Variants in MEAF6 observed in about 807,000 individuals in gnomAD.
The protein encoded by MEAF6 is MYST/Esa1 associated factor 6.
MEAF6 carries 15 observed loss-of-function variants against 28.9 expected under a neutral mutation model. The observed-to-expected ratio is 0.52, with a 90% CI of 0.35 to 0.80. The LOEUF is 0.80. Among genes scored for constraint, MEAF6 ranks in the 30% least tolerant of loss-of-function variants. The probability of loss-of-function intolerance (pLI) is 0.01; values close to 1 mark genes in which losing one functional copy is unlikely to be tolerated. For missense variants in MEAF6, 178 were observed against 237.5 expected (o/e 0.75, Z 1.65); for synonymous variants, 97 against 88.7 (o/e 1.09, Z -0.53).
intron 4 of MEAF6, among the ~76,000 whole-genome samples, chr1:37,507,358 A>C (rs773554530): frequency 1.3e-5 from 2 of 151,828 alleles, no homozygotes; most frequent in Non-Finnish European, 2.9e-5. Flanking sequence ...GTCAGATATC[A>C]TTCCATCTCA....
chr1:37,503,151 G>C (rs1642370436), intron 4 of MEAF6, among the ~76,000 whole-genome samples: 1 of 151,840 alleles, frequency 6.6e-6, no homozygotes, highest in African/African-American at 2.4e-5. Flanking sequence ...TGCCCAGGCT[G>C]GTCTCAAACT....
intron 5 of MEAF6, among the ~76,000 whole-genome samples, chr1:37,500,397 T>C (rs1642262174): frequency 1.3e-5 from 2 of 152,222 alleles, no homozygotes; most frequent in Admixed American, 6.5e-5. Flanking sequence ...TTTTTAAGAA[T>C]ATATTTCTCT....
intron 4 of MEAF6, among the ~76,000 whole-genome samples, chr1:37,505,295 A>G (rs1189491440): frequency 6.6e-6 from 1 of 151,406 alleles, no homozygotes; most frequent in Non-Finnish European, 1.5e-5. Context: ...AAAAAAGCAG[A>G]AGAGAGAAAT....
At chr1:37,500,957 A>C (rs928212002) in intron 5 of MEAF6, 8 of 154,176 alleles carry the variant, frequency 5.2e-5, no homozygotes, top group African/African-American at 1.9e-4. Context: ...AGGCATGGAA[A>C]CAGGTATGTA....
intron 5 of MEAF6, among the ~76,000 whole-genome samples, chr1:37,498,026 C>G (rs1569957846): frequency 1.3e-5 from 2 of 152,114 alleles, no homozygotes; most frequent in Non-Finnish European, 2.9e-5. Context: ...GGGCAGGCCT[C>G]CAAAGCAAAC....
At chr1:37,508,018 T>G (rs1243896408) in intron 4 of MEAF6, among the ~76,000 whole-genome samples, 3 of 152,064 alleles carry the variant, frequency 2.0e-5, no homozygotes, top group Non-Finnish European at 2.9e-5. Flanking sequence ...ATATACCTTC[T>G]GAAAGAAGTA....
At chr1:37,502,375 C>A (rs1358696357) in intron 4 of MEAF6, among the ~76,000 whole-genome samples, 3 of 151,876 alleles carry the variant, frequency 2.0e-5, no homozygotes, top group South Asian at 4.2e-4. Flanking sequence ...TGTGCCTGAT[C>A]TATAGTCTTA....
intron 5 of MEAF6, among the ~76,000 whole-genome samples, chr1:37,498,694 T>C (rs1237203417): frequency 5.3e-5 from 8 of 150,062 alleles, no homozygotes; most frequent in African/African-American, 1.7e-4. Context: ...GCCTCCCAAA[T>C]TGCTGGAATT....
chr1:37,493,445 G>C lies in MEAF6; in HGVS notation c.*654C>G, dbSNP rs1198088827. 2 of 323,490 alleles carry C rather than the reference G, an allele frequency of 6.2e-6. No individual in the cohort carries two copies. Among genetic ancestry groups the C allele is most frequent in the African/African-American group, 4.3e-5 (2 of 46,602 alleles). The allele number at this position is 323,490 out of a possible 1,614,324, so 20.0% of individuals were successfully genotyped here. On this transcript the variant is annotated 3_prime_UTR_variant, in exon 7 of 7. Transcript: ENST00000296214. Reference sequence around the variant, plus strand: ...TACCAACTCAGAAAGATTTAAGATAGGTAATTACTAAACACTCTTTACCTC... The same window carrying C: ...TACCAACTCAGAAAGATTTAAGATACGTAATTACTAAACACTCTTTACCTC...
intron 1 of MEAF6, 116 bp from the exon 2 acceptor site, chr1:37,513,654 A>C: frequency 1.3e-6 from 1 of 793,328 alleles, no homozygotes; most frequent in Non-Finnish European, 2.2e-6. Context: ...ACACTAAACC[A>C]CCCTGTGGAG....
chr1:37,513,733 C>T (rs891888126), intron 1 of MEAF6, 195 bp from the exon 2 acceptor site: 10 of 596,836 alleles, frequency 1.7e-5, no homozygotes, highest in Non-Finnish European at 3.0e-5. Context: ...GGTGATGGAC[C>T]CCTGAATGTA....
chr1:37,508,256 T>C (rs1224229175), intron 4 of MEAF6, among the ~76,000 whole-genome samples: 1 of 151,526 alleles, frequency 6.6e-6, no homozygotes, highest in African/African-American at 2.4e-5. Context: ...GTACATCCTA[T>C]TTACAGGATG....
rs1188656208 is a variant in MEAF6, at chr1:37,493,879, CA to C, written c.*219del. 2 of 1,562,910 alleles carry C rather than the reference CA, an allele frequency of 1.3e-6. No individual in the cohort carries two copies. Among genetic ancestry groups the C allele is most frequent in the African/African-American group, 2.7e-5 (2 of 73,250 alleles). ...TTACAACATTGTCTTCATCTTCCTGCAGTTCTGTTACTAAAAATGACATAAA... is the reference window on the plus strand; with the variant it reads ...TTACAACATTGTCTTCATCTTCCTGCGTTCTGTTACTAAAAATGACATAAA... On this transcript the variant is annotated 3_prime_UTR_variant, in exon 7 of 7. Coordinates refer to ENST00000296214, the MANE Select transcript of MEAF6 (RefSeq NM_001270875.3).
chr1:37,495,731 CCT>C, intron 6 of MEAF6, 152 bp downstream of exon 6: 1 of 473,360 alleles, frequency 2.1e-6, no homozygotes, highest in Non-Finnish European at 3.7e-6. Flanking sequence ...AAAAAAACCA[CCT>C]AAAAGTTGAA....
rs1641881249 is a variant in MEAF6 at position 37,490,187 on chromosome 1, C to G, written c.*3912G>C. ...CCCAGCCATCCTGTGTGCCCTCTTC[C>G]CCTTGGAGGCCACTGCCCTAAGTGA... On this transcript the variant is annotated 3_prime_UTR_variant, in exon 7 of 7. Transcript: ENST00000296214. 6.6e-6 allele frequency among the ~76,000 whole-genome samples: 1 copy of G among 151,758 alleles called. No individual in the cohort carries two copies. The highest frequency in any genetic ancestry group is 2.4e-5 in the African/African-American group (1 of 41,268).
At chr1:37,504,808 CACA>C (rs1642429280) in intron 4 of MEAF6, among the ~76,000 whole-genome samples, 1 of 148,026 alleles carries the variant, frequency 6.8e-6, no homozygotes, top group South Asian at 2.1e-4. Flanking sequence ...TATACACACA[CACA>C]CACACACACA....
At chr1:37,509,197 A>G in intron 4 of MEAF6, 81 bp downstream of exon 4, 1 of 1,243,768 alleles carries the variant, frequency 8.0e-7, no homozygotes, top group Non-Finnish European at 1.2e-6. Flanking sequence ...CAGTCCTCAG[A>G]TACACAATTG....
rs1454302161 is a variant in MEAF6 at position 37,491,579 on chromosome 1, G to C, written c.*2520C>G. On this transcript the variant is annotated 3_prime_UTR_variant, in exon 7 of 7. Transcript: ENST00000296214. ...CTGGGAATGGTGGCATGCACCTATA[G>C]TCCCAGGTACTAGTAAGGCTGAAGC... Among the ~76,000 whole-genome samples the C allele has an allele frequency of 6.6e-6, 1 of 152,098 alleles. No homozygotes were observed. The highest frequency in any genetic ancestry group is 1.5e-5 in the Non-Finnish European group (1 of 68,014).
chr1:37,514,657 C>A lies in MEAF6; in HGVS notation c.90G>T (p.Ala30=). The A allele has an allele frequency of 1.3e-6, 2 of 1,536,302 alleles. No homozygotes were observed. The highest frequency in any genetic ancestry group is 2.7e-5 in the East Asian group (1 of 36,448). The part of the protein sequence containing the change: ...AELVKRKQEL[A]ETLANLERQI... ...TGCAACCCCTGTCCTAGCCCCTCAC[C>A]GCCAGCTCCTGCTTCCGCTTCACGA... Residue 30 remains alanine, a splice_region_variant and synonymous_variant, in exon 1 of 7, where the codon GCG becomes GCT. Coordinates refer to ENST00000296214, the MANE Select transcript of MEAF6 (RefSeq NM_001270875.3).
Sources: allele counts gnomAD v4.1 joint callset (sites outside exome capture counted in the v4.1 genomes callset), GRCh38; gene constraint gnomAD v4.1.1; transcripts MANE v1.5; gene names NCBI Gene and HGNC (gene_info 2026-07-23, HGNC 2026-07-21).